The following FGF12 variants were observed in gnomAD, a reference collection of about 807,000 sequenced individuals.
FGF12 encodes fibroblast growth factor 12.
Under a neutral mutation model 23.6 loss-of-function variants are expected in FGF12, and 14 were observed. The ratio of observed to expected loss-of-function variants is 0.59; its 90% CI spans 0.39 to 0.93. The LOEUF is 0.93. Ranked by LOEUF, FGF12 falls within the 40% of genes least tolerant of loss-of-function variation. The probability of loss-of-function intolerance (pLI) is 0.00; values close to 1 mark genes in which losing one functional copy is unlikely to be tolerated. For synonymous variants in FGF12, 62 were observed against 77.3 expected (o/e 0.80, Z 1.04); for missense variants, 175 against 217.8 (o/e 0.80, Z 1.24).
chr3:192,455,922 T>G (rs1722668649), intron 2 of FGF12, among the ~76,000 whole-genome samples: 2 of 152,142 alleles, frequency 1.3e-5, no homozygotes, highest in Non-Finnish European at 2.9e-5. Context: ...CTTCACACAG[T>G]TCATGGGATG....
intron 5 of FGF12, among the ~76,000 whole-genome samples, chr3:192,144,593 A>G (rs1317081348): frequency 6.6e-6 from 1 of 152,182 alleles, no homozygotes; most frequent in African/African-American, 2.4e-5. Context: ...CATCCTATGT[A>G]AAAAAATAAG....
At chr3:192,656,950 T>C (rs1282219102) in intron 2 of FGF12, among the ~76,000 whole-genome samples, 1 of 152,186 alleles carries the variant, frequency 6.6e-6, no homozygotes, top group African/African-American at 2.4e-5. Context: ...CTACAGAACA[T>C]TACTGAGGGA....
intron 2 of FGF12, among the ~76,000 whole-genome samples, chr3:192,689,541 A>G (rs1012390384): frequency 5.9e-5 from 9 of 152,164 alleles, no homozygotes; most frequent in African/African-American, 1.2e-4. Context: ...AGAATGGAAT[A>G]GAGAGCTTGA....
At chr3:192,487,668 T>C (rs992318326) in intron 2 of FGF12, among the ~76,000 whole-genome samples, 6 of 152,162 alleles carry the variant, frequency 3.9e-5, no homozygotes, top group Non-Finnish European at 8.8e-5. Context: ...GTTTATAATA[T>C]GTTTATAATG....
At chr3:192,526,252 C>T (rs1724943572) in intron 2 of FGF12, among the ~76,000 whole-genome samples, 1 of 152,174 alleles carries the variant, frequency 6.6e-6, no homozygotes, top group African/African-American at 2.4e-5. Flanking sequence ...TTGGAGCTTA[C>T]CTGCGCATAT....
At chr3:192,447,996 G>A (rs539235245) in intron 2 of FGF12, among the ~76,000 whole-genome samples, 6 of 152,124 alleles carry the variant, frequency 3.9e-5, no homozygotes, top group East Asian at 3.9e-4. Flanking sequence ...GACTTCTTTC[G>A]CCCAATGTTA....
At chr3:192,431,513 T>C (rs1721859950) in intron 2 of FGF12, among the ~76,000 whole-genome samples, 1 of 152,190 alleles carries the variant, frequency 6.6e-6, no homozygotes, top group African/African-American at 2.4e-5. Flanking sequence ...AGAGACTCTT[T>C]TTATACTGTT....
At chr3:192,727,138 C>T in intron 2 of FGF12, 43 bp downstream of exon 2, 1 of 1,565,716 alleles carries the variant, frequency 6.4e-7, no homozygotes, top group Non-Finnish European at 8.7e-7. Context: ...CTTGGCCACA[C>T]GCACATGCAG....
intron 5 of FGF12, among the ~76,000 whole-genome samples, chr3:192,158,470 CTT>C (rs915879327): frequency 2.8e-5 from 4 of 141,524 alleles, no homozygotes; most frequent in South Asian, 2.2e-4. Flanking sequence ...CTTTCTTGCT[CTT>C]TGTCTCTCTC....
chr3:192,141,698 TAAC>T lies in FGF12; in HGVS notation c.*2308_*2310del, dbSNP rs1713396301. 6.6e-6 allele frequency: 1 copy of T among 152,050 alleles called. No individual in the cohort carries two copies. The highest frequency in any genetic ancestry group is 6.6e-5 in the Admixed American group (1 of 15,264). The allele number at this position is 152,050 out of a possible 1,614,324, so 9.4% of individuals were successfully genotyped here. ...GTGATTCATATCTCTATTTTTTTCATAACAAACTTAATTAAATATATTTTGTCA... is the reference window on the plus strand; with the variant it reads ...GTGATTCATATCTCTATTTTTTTCATAAACTTAATTAAATATATTTTGTCA... On this transcript the variant is annotated 3_prime_UTR_variant, in exon 6 of 6. Coordinates refer to ENST00000445105, the MANE Select transcript of FGF12 (RefSeq NM_004113.6).
chr3:192,520,920 A>C (rs9843820), intron 2 of FGF12, among the ~76,000 whole-genome samples: 121,943 of 152,116 alleles, frequency 0.8, 50,556 homozygotes, highest in Non-Finnish European at 0.9. Context: ...ACAATGCTGC[A>C]ATAAGTAACC....
intron 4 of FGF12, among the ~76,000 whole-genome samples, chr3:192,301,158 T>G (rs998332120): frequency 6.6e-6 from 1 of 151,298 alleles, no homozygotes; most frequent in Non-Finnish European, 1.5e-5. Context: ...AATATTACTG[T>G]GAAAAAAAAA....
At chr3:192,614,695 A>T (rs149000168) in intron 2 of FGF12, among the ~76,000 whole-genome samples, 1 of 151,974 alleles carries the variant, frequency 6.6e-6, no homozygotes, top group Non-Finnish European at 1.5e-5. Flanking sequence ...GGTGTTATTT[A>T]GTATTCTTTA....
At chr3:192,526,461 G>T (rs1328991126) in intron 2 of FGF12, among the ~76,000 whole-genome samples, 2 of 152,142 alleles carry the variant, frequency 1.3e-5, no homozygotes, top group African/African-American at 4.8e-5. Context: ...AGGAAATGCT[G>T]AGGCACTTAT....
intron 2 of FGF12, among the ~76,000 whole-genome samples, chr3:192,418,058 T>C (rs765071408): frequency 5.3e-5 from 8 of 152,036 alleles, no homozygotes; most frequent in Non-Finnish European, 1.2e-4. Context: ...TTTTAAGATA[T>C]TAGTCTGGAG....
At chr3:192,617,464 C>T (rs1714802975) in intron 2 of FGF12, among the ~76,000 whole-genome samples, 1 of 152,056 alleles carries the variant, frequency 6.6e-6, no homozygotes, top group Admixed American at 6.6e-5. Context: ...ACTTTCTGTG[C>T]AGAACCTTCT....
At chr3:192,460,682 TTATATA>T (rs35031609) in intron 2 of FGF12, among the ~76,000 whole-genome samples, 6 of 142,438 alleles carry the variant, frequency 4.2e-5, no homozygotes, top group African/African-American at 7.7e-5. Flanking sequence ...ACACATATAT[TTATATA>T]TATATATATA....
At chr3:192,265,175 G>A (rs1260635100) in intron 4 of FGF12, 1 of 152,024 alleles carries the variant, frequency 6.6e-6, no homozygotes, top group East Asian at 1.9e-4. Context: ...GAGTTGGCCT[G>A]GAAACATTTC....
intron 2 of FGF12, among the ~76,000 whole-genome samples, chr3:192,668,091 G>A (rs1716963043): frequency 6.6e-6 from 1 of 151,696 alleles, no homozygotes. Flanking sequence ...TTTAATAAAT[G>A]TTAGTACTTT....
Sources: allele counts gnomAD v4.1 joint callset (sites outside exome capture counted in the v4.1 genomes callset), GRCh38; gene constraint gnomAD v4.1.1; transcripts MANE v1.5; gene names NCBI Gene and HGNC (gene_info 2026-07-23, HGNC 2026-07-21).